The following SNX30 variants were observed in gnomAD, a reference collection of about 807,000 sequenced individuals.
SNX30 encodes sorting nexin family member 30.
SNX30 carries 24 observed loss-of-function variants against 46.4 expected under a neutral mutation model. That is an observed-to-expected ratio of 0.52 (90% CI 0.37 to 0.73). The LOEUF (loss-of-function observed/expected upper bound fraction) is 0.73. SNX30 is among the 30% of genes least tolerant of loss of function. The pLI is 0.00. For synonymous variants in SNX30, 189 were observed against 211.5 expected (o/e 0.89, Z 0.92); for missense variants, 533 against 555.7 (o/e 0.96, Z 0.41).
intron 5 of SNX30, among the ~76,000 whole-genome samples, chr9:112,837,887 CTTTTTTTTTT>C (rs10713538): frequency 4.2e-5 from 3 of 71,176 alleles, no homozygotes; most frequent in Admixed American, 3.4e-4. Flanking sequence ...TGGTTCTTTT[CTTTTTTTTTT>C]TTTTTTTTTT....
chr9:112,864,739 T>C (rs995378365), intron 8 of SNX30, among the ~76,000 whole-genome samples: 4 of 152,154 alleles, frequency 2.6e-5, no homozygotes, highest in African/African-American at 9.7e-5. Context: ...GGGGTTACTT[T>C]ACTCTGTGTT....
chr9:112,807,227 G>A (rs1033703806), intron 2 of SNX30, among the ~76,000 whole-genome samples: 3 of 151,620 alleles, frequency 2.0e-5, no homozygotes, highest in Admixed American at 6.6e-5. Context: ...CACCATGCCC[G>A]GCTACTTTTT....
intron 8 of SNX30, among the ~76,000 whole-genome samples, chr9:112,865,306 G>C (rs1292267020): frequency 6.6e-6 from 1 of 151,738 alleles, no homozygotes; most frequent in Admixed American, 6.6e-5. Context: ...CTCAATCAAG[G>C]TTTGCTTGAT....
At chr9:112,791,955 A>AT (rs1346801360) in intron 1 of SNX30, among the ~76,000 whole-genome samples, 2 of 151,828 alleles carry the variant, frequency 1.3e-5, no homozygotes, top group African/African-American at 2.4e-5. Context: ...CCTGGTATAT[A>AT]TTTTTTTTCC....
intron 1 of SNX30, among the ~76,000 whole-genome samples, chr9:112,797,251 G>C (rs998678374): frequency 2.0e-5 from 3 of 152,118 alleles, no homozygotes; most frequent in Admixed American, 2.0e-4. Flanking sequence ...AGCGAGGTCT[G>C]CAATTTAAAA....
At chr9:112,879,715 G>C, downstream of SNX30, 1 of 1,561,018 alleles carries the variant, frequency 6.4e-7, no homozygotes, top group East Asian at 2.3e-5. Flanking sequence ...TTGTCTTCTG[G>C]GGGCCTGGCC....
chr9:112,809,370 G>A lies in SNX30; in HGVS notation c.348+4403G>A, dbSNP rs140019299. 1.2e-3 allele frequency among the ~76,000 whole-genome samples: 189 copies of A among 152,102 alleles called. 1 individual carries two copies. The highest frequency in any genetic ancestry group is 4.3e-3 in the African/African-American group (177 of 41,494). ...GCTGGGATTACAGGCGTGAGCCACT[G>A]CGCCTGGCCCAAAAGACATGATTTT... On this transcript the variant is annotated intron_variant, in intron 2 of 8. Transcript: ENST00000374232.
Position 112,864,335 on chromosome 9 carries a change from A to G in SNX30, c.1190A>G (p.Lys397Arg), listed in dbSNP as rs761572278. ...KADMERWQNN[K>R]RQDFRQLLMG... ...GACATGGAGAGGTGGCAGAACAACAAGAGGCAGGACTTCCGGCAGCTACTC... is the reference window on the plus strand; with the variant it reads ...GACATGGAGAGGTGGCAGAACAACAGGAGGCAGGACTTCCGGCAGCTACTC... The change falls in exon 8 of 9, where the codon AAG becomes AGG. Residue 397 changes from lysine (K) to arginine (R), a missense_variant. Lys to Arg is a conservative substitution (Grantham distance 26). This residue lies in a region of SNX30 where 261 missense variants were observed against 270.9 expected (regional missense o/e 0.96). Transcript: ENST00000374232. 28 of 1,614,112 alleles carry G rather than the reference A, an allele frequency of 1.7e-5. No homozygotes were observed. The highest frequency in any genetic ancestry group is 2.3e-5 in the Non-Finnish European group (27 of 1,180,046).
intron 1 of SNX30, among the ~76,000 whole-genome samples, chr9:112,772,187 G>GGGTT (rs1839662825): frequency 6.6e-6 from 1 of 152,244 alleles, no homozygotes; most frequent in East Asian, 1.9e-4. Flanking sequence ...TTCTAGTGAG[G>GGGTT]GGTTACTCTA....
At chr9:112,778,707 G>C (rs1456427590) in intron 1 of SNX30, among the ~76,000 whole-genome samples, 1 of 152,206 alleles carries the variant, frequency 6.6e-6, no homozygotes, top group African/African-American at 2.4e-5. Flanking sequence ...GATATAGTTA[G>C]GACCTTCCTT....
At chr9:112,823,782 A>G (rs1227871930) in intron 3 of SNX30, among the ~76,000 whole-genome samples, 1 of 152,038 alleles carries the variant, frequency 6.6e-6, no homozygotes, top group Non-Finnish European at 1.5e-5. Flanking sequence ...TCTTTTTTCT[A>G]CTGTTAAAAA....
At chr9:112,810,841 T>G (rs1840307980) in intron 2 of SNX30, among the ~76,000 whole-genome samples, 1 of 152,062 alleles carries the variant, frequency 6.6e-6, no homozygotes, top group Admixed American at 6.5e-5. Flanking sequence ...TGTATGTCAC[T>G]GGATGGCACG....
intron 2 of SNX30, among the ~76,000 whole-genome samples, chr9:112,808,145 G>A (rs1385331042): frequency 1.3e-5 from 2 of 152,234 alleles, no homozygotes; most frequent in African/African-American, 4.8e-5. Flanking sequence ...ATGAGAGAAA[G>A]AGAACAAACA....
In SNX30 at chr9:112,874,531, T is replaced by TA. The variant is rs1233105200; in HGVS notation, c.*5693dup. The TA allele has an allele frequency of 6.6e-6, 1 of 152,200 alleles. No individual in the cohort carries two copies. The highest frequency in any genetic ancestry group is 2.4e-5 in the African/African-American group (1 of 41,446). 9.4% of individuals were successfully genotyped at this position (152,200 alleles called of 1,614,324 possible). On this transcript the variant is annotated 3_prime_UTR_variant, in exon 9 of 9. Transcript: ENST00000374232. ...ATTCTTTACGTTTAAAATTTTAAAA[T>TA]AAAAACCTTCTGAGGTATTGATGTA...
Position 112,788,428 on chromosome 9 carries a change from A to G in SNX30, c.157-16348A>G, listed in dbSNP as rs369974866. On this transcript the variant is annotated intron_variant, in intron 1 of 8. Transcript: ENST00000374232. ...ATGTCAATGAGAACCAGGCTTTGTA[A>G]GATGAACAGATGGTACAGTTAAGAG... Among the ~76,000 whole-genome samples, 4 of 152,184 alleles carry G rather than the reference A, an allele frequency of 2.6e-5. No individual in the cohort carries two copies. In the East Asian group the frequency reaches 5.8e-4, roughly 22 times the overall value.
At position 112,869,138 on chromosome 9, in the gene SNX30, C is replaced by CA. The variant is rs1564299047; in HGVS notation, c.*295_*296insA. ...ATTTGAAACCAAGGGACAAGACAAC[C>CA]TGCAGCTGACGCTCTGACATTTCAT... is the stretch of plus-strand genomic sequence containing the variant. On this transcript the variant is annotated 3_prime_UTR_variant, in exon 9 of 9. Transcript: ENST00000374232. The CA allele has an allele frequency of 1.1e-3, 390 of 353,234 alleles. 4 individuals are homozygous for CA. Among genetic ancestry groups the CA allele is most frequent in the African/African-American group, 7.5e-3 (369 of 49,044 alleles). 21.9% of individuals were successfully genotyped at this position (353,234 alleles called of 1,614,324 possible).
intron 1 of SNX30, among the ~76,000 whole-genome samples, chr9:112,770,978 G>C (rs1839639209): frequency 6.6e-6 from 1 of 152,190 alleles, no homozygotes; most frequent in Admixed American, 6.5e-5. Context: ...CCTGGTGACA[G>C]AGTGAGACTC....
At chr9:112,807,642 C>T (rs142776021) in intron 2 of SNX30, among the ~76,000 whole-genome samples, 8 of 152,302 alleles carry the variant, frequency 5.3e-5, no homozygotes, top group African/African-American at 1.9e-4. Context: ...TGTAAACAGC[C>T]AAATGACAAA....
chr9:112,867,811 A>C (rs1196559941), intron 8 of SNX30, among the ~76,000 whole-genome samples: 4 of 137,912 alleles, frequency 2.9e-5, no homozygotes, highest in African/African-American at 8.2e-5. Context: ...CTTCCCCAAA[A>C]CTCCTCCCAC....
Sources: allele counts gnomAD v4.1 joint callset (sites outside exome capture counted in the v4.1 genomes callset), GRCh38; gene constraint gnomAD v4.1.1; regional missense constraint gnomAD v4.1.1; transcripts MANE v1.5; gene names NCBI Gene and HGNC (gene_info 2026-07-23, HGNC 2026-07-21).